MICU2: variants seen among roughly 807,000 people sequenced by gnomAD.
MICU2 encodes the protein calcium uptake protein 2, mitochondrial.
In MICU2, 64 loss-of-function variants were observed where a neutral mutation model predicts 60.4. The observed-to-expected ratio is 1.06, with a 90% CI of 0.87 to 1.31. MICU2 has a LOEUF of 1.31. Among genes scored for constraint, MICU2 ranks in the 50% most tolerant of loss-of-function variants. The pLI, the probability that MICU2 is intolerant of heterozygous loss-of-function variation, is 0.00. For missense variants in MICU2, 569 were observed against 531.0 expected, an observed-to-expected ratio of 1.07 and a Z score of -0.70; for synonymous variants, 201 against 175.0, an observed-to-expected ratio of 1.15 and a Z score of -1.17.
intron 1 of MICU2, among the ~76,000 whole-genome samples, chr13:21,586,521 C>T (rs760687717): frequency 2.6e-5 from 4 of 152,120 alleles, no homozygotes; most frequent in South Asian, 2.1e-4. Context: ...GATCCTTCCA[C>T]GTCAGCCTGT....
In MICU2 at chr13:21,571,689, C is replaced by T. The variant is rs928976321; in HGVS notation, c.211-4745G>A. Reference sequence around the variant, plus strand: ...CTCCGGCTTGGGCAACAGAGCGAGACTGCGTCTCAAAAGGGGAAAAAAAAG... The same window carrying T: ...CTCCGGCTTGGGCAACAGAGCGAGATTGCGTCTCAAAAGGGGAAAAAAAAG... On this transcript the variant is annotated intron_variant, in intron 1 of 11. Transcript: ENST00000382374. Among the ~76,000 whole-genome samples the T allele has an allele frequency of 2.6e-5, 4 of 152,268 alleles. No individual in the cohort carries two copies. In the Middle Eastern group the frequency reaches 0.01, roughly 388 times the overall value.
intron 7 of MICU2, among the ~76,000 whole-genome samples, chr13:21,513,061 G>T (rs1452670007): frequency 6.6e-6 from 1 of 151,772 alleles, no homozygotes; most frequent in Admixed American, 6.6e-5. Flanking sequence ...ACTGATTTTT[G>T]TACATTTTTC....
intron 9 of MICU2, among the ~76,000 whole-genome samples, chr13:21,501,483 T>C (rs147117684): frequency 0.023 from 3,488 of 152,234 alleles, 68 homozygotes; most frequent in Non-Finnish European, 0.03. Flanking sequence ...AGGATGGTCT[T>C]GATCTCCTGA....
At chr13:21,586,948 C>G (rs1057481671) in intron 1 of MICU2, among the ~76,000 whole-genome samples, 2 of 152,178 alleles carry the variant, frequency 1.3e-5, no homozygotes, top group Non-Finnish European at 2.9e-5. Context: ...TCCCAGGCAT[C>G]TTCTTCCCTC....
intron 9 of MICU2, 34 bp from the exon 10 acceptor site, chr13:21,496,194 A>G (rs1885992982): frequency 6.9e-7 from 1 of 1,446,302 alleles, no homozygotes; most frequent in Admixed American, 1.7e-5. Flanking sequence ...ACAATTTTGT[A>G]AGTACATTAA....
At chr13:21,578,033 A>C (rs1007444752) in intron 1 of MICU2, among the ~76,000 whole-genome samples, 2 of 152,018 alleles carry the variant, frequency 1.3e-5, no homozygotes, top group African/African-American at 4.8e-5. Flanking sequence ...TCCAGTAGTT[A>C]TCTGCTCTAG....
chr13:21,509,968 A>G (rs767299025), intron 8 of MICU2, 36 bp downstream of exon 8: 1 of 1,235,940 alleles, frequency 8.1e-7, no homozygotes, highest in African/African-American at 1.6e-5. Context: ...CTTACCCATA[A>G]AATTTCCCTA....
At chr13:21,550,860 CTT>C (rs2138018113) in intron 2 of MICU2, among the ~76,000 whole-genome samples, 2 of 152,298 alleles carry the variant, frequency 1.3e-5, no homozygotes, top group African/African-American at 4.8e-5. Flanking sequence ...GCTTATATAA[CTT>C]TGCCCACAGA....
chr13:21,530,468 C>CAA (rs68140040), intron 4 of MICU2, among the ~76,000 whole-genome samples: 1,889 of 147,626 alleles, frequency 0.013, 29 homozygotes, highest in African/African-American at 0.038. Context: ...AATTCTCCTT[C>CAA]AAAAAAAAAA....
chr13:21,567,280 T>TAA (rs1401725638), intron 1 of MICU2, among the ~76,000 whole-genome samples: 1 of 152,048 alleles, frequency 6.6e-6, no homozygotes, highest in East Asian at 1.9e-4. Context: ...TCAGAGAAGG[T>TAA]CTTTCTGAAG....
intron 4 of MICU2, chr13:21,530,731 C>T (rs937394656): frequency 2.4e-4 from 117 of 489,862 alleles, no homozygotes; most frequent in African/African-American, 1.9e-3. Flanking sequence ...GTGGCGAGCC[C>T]AGACAGCCAG....
intron 2 of MICU2, among the ~76,000 whole-genome samples, chr13:21,552,023 G>A (rs937644678): frequency 1.3e-3 from 193 of 152,050 alleles, no homozygotes; most frequent in African/African-American, 4.5e-3. Flanking sequence ...ACTTCCACAA[G>A]GGTTGAACTA....
chr13:21,586,353 T>C (rs1001830868), intron 1 of MICU2, among the ~76,000 whole-genome samples: 13 of 152,230 alleles, frequency 8.5e-5, no homozygotes, highest in African/African-American at 2.7e-4. Context: ...TTCATTCCTG[T>C]TGCAACAGAA....
chr13:21,520,596 C>T (rs1261465580), intron 6 of MICU2, among the ~76,000 whole-genome samples: 3 of 151,588 alleles, frequency 2.0e-5, no homozygotes, highest in African/African-American at 7.3e-5. Context: ...GCACTGCAAT[C>T]GATTAAAAAC....
At chr13:21,530,803 G>A (rs546526930) in intron 4 of MICU2, 19 of 693,470 alleles carry the variant, frequency 2.7e-5, no homozygotes, top group Non-Finnish European at 3.6e-5. Context: ...AAGAGATGGC[G>A]GCCGAGGCCA....
intron 4 of MICU2, among the ~76,000 whole-genome samples, chr13:21,537,654 A>G (rs1249739347): frequency 6.6e-6 from 1 of 151,936 alleles, no homozygotes; most frequent in Non-Finnish European, 1.5e-5. Flanking sequence ...TGTTTTTAGT[A>G]GAGACAGGGT....
At chr13:21,517,789 A>ACGCGCG (rs1423850145) in intron 6 of MICU2, among the ~76,000 whole-genome samples, 3 of 96,090 alleles carry the variant, frequency 3.1e-5, no homozygotes. Flanking sequence ...ACACACACAC[A>ACGCGCG]CACACACACA....
intron 1 of MICU2, chr13:21,603,431 G>A (rs1449659170): frequency 6.4e-6 from 1 of 155,072 alleles, no homozygotes; most frequent in East Asian, 1.9e-4. Flanking sequence ...ACACATTCGT[G>A]ACTTAAAAAA....
chr13:21,577,804 CAA>C (rs56200015), intron 1 of MICU2, among the ~76,000 whole-genome samples: 247 of 47,896 alleles, frequency 5.2e-3, no homozygotes, highest in African/African-American at 0.017. Context: ...GACTCGGTCT[CAA>C]AAAAAAAAAA....
Sources: allele counts gnomAD v4.1 joint callset (sites outside exome capture counted in the v4.1 genomes callset), GRCh38; gene constraint gnomAD v4.1.1; transcripts MANE v1.5; gene names NCBI Gene and HGNC (gene_info 2026-07-23, HGNC 2026-07-21).